The following SUGCT variants were observed in gnomAD, a reference collection of about 807,000 sequenced individuals.
SUGCT encodes the protein succinyl-CoA:glutarate CoA-transferase.
A neutral mutation model predicts 55.0 loss-of-function variants in SUGCT; 41 were observed. The ratio of observed to expected loss-of-function variants is 0.74; its 90% CI spans 0.58 to 0.97. SUGCT has a LOEUF of 0.97. Ranked by LOEUF, SUGCT falls within the 50% of genes least tolerant of loss-of-function variation. The pLI is 0.00. For missense variants in SUGCT, 568 were observed against 547.8 expected (o/e 1.04, Z -0.37); for synonymous variants, 187 against 200.4 (o/e 0.93, Z 0.56).
chr7:40,457,520 A>G (rs752018328), intron 10 of SUGCT, among the ~76,000 whole-genome samples: 7 of 152,042 alleles, frequency 4.6e-5, no homozygotes, highest in Non-Finnish European at 8.8e-5. Context: ...TATGTCAAGC[A>G]TTTTCATGTA....
the SUGCT span, among the ~76,000 whole-genome samples, chr7:41,021,090 G>A: frequency 6.6e-6 from 1 of 152,196 alleles, no homozygotes; most frequent in Non-Finnish European, 1.5e-5. Flanking sequence ...GACCAACATG[G>A]CAAAGTACAA....
rs532519595 is a variant in SUGCT at position 40,465,534 on chromosome 7, C to T, written c.986+6336C>T. Among the ~76,000 whole-genome samples the T allele has an allele frequency of 1.1e-3, 166 of 152,150 alleles. 1 individual carries two copies. The highest frequency in any genetic ancestry group is 0.01 in the Middle Eastern group (3 of 294). On this transcript the variant is annotated intron_variant, in intron 11 of 13. Coordinates refer to ENST00000335693, the MANE Select transcript of SUGCT (RefSeq NM_001193313.2). ...CCGAGGAAGGAGAATTGCTTGAACCCGGGAGGCGGAGGTTGCAGTGAGCCG... is the reference window on the plus strand; with the variant it reads ...CCGAGGAAGGAGAATTGCTTGAACCTGGGAGGCGGAGGTTGCAGTGAGCCG...
intron 12 of SUGCT, among the ~76,000 whole-genome samples, chr7:40,613,614 A>ATTT (rs34035338): frequency 6.9e-6 from 1 of 144,902 alleles, no homozygotes. Context: ...CCTGCACCCA[A>ATTT]TTTTTTTTTT....
intron 7 of SUGCT, among the ~76,000 whole-genome samples, chr7:40,251,363 A>G (rs952189558): frequency 6.6e-6 from 1 of 152,186 alleles, no homozygotes. Flanking sequence ...ACCTAACTCT[A>G]GTCAAGTTCC....
At chr7:40,939,068 C>A in the SUGCT span, among the ~76,000 whole-genome samples, 1 of 152,058 alleles carries the variant, frequency 6.6e-6, no homozygotes, top group Non-Finnish European at 1.5e-5. Context: ...TGATAAAGAC[C>A]CGAGACAGGG....
rs552222185 is a variant in SUGCT at position 40,363,761 on chromosome 7, G to A, written c.816+46906G>A. 5.3e-3 allele frequency among the ~76,000 whole-genome samples: 812 copies of A among 152,164 alleles called. 2 individuals carry two copies. The highest frequency in any genetic ancestry group is 0.019 in the African/African-American group (777 of 41,512). On this transcript the variant is annotated intron_variant, in intron 9 of 13. Coordinates refer to ENST00000335693, the MANE Select transcript of SUGCT (RefSeq NM_001193313.2). ...TGTGGTCAATTTTGGAATAGGTGTG[G>A]TGTGGTGCTGAAAAAAGTGTATATT...
At chr7:40,487,076 A>ATTT (rs1791405804) in intron 11 of SUGCT, among the ~76,000 whole-genome samples, 1 of 126,062 alleles carries the variant, frequency 7.9e-6, no homozygotes, top group Non-Finnish European at 1.6e-5. Context: ...TATGATTTCA[A>ATTT]TCTTTTTTTT....
At position 40,849,440 on chromosome 7, in the gene SUGCT, C is replaced by T. The variant is rs1042387335; in HGVS notation, c.1154-10876C>T. Among the ~76,000 whole-genome samples, 8 of 152,208 alleles carry T rather than the reference C, an allele frequency of 5.3e-5. No homozygotes were observed. The Middle Eastern group carries it at 0.01, about 194-fold the overall frequency. On this transcript the variant is annotated intron_variant, in intron 13 of 13. Transcript: ENST00000335693. ...AAATGCATCATTAGGATGGAAGGTG[C>T]GTGGAGCTCTGGAAAAAGGGACTGT...
chr7:40,525,532 T>C (rs1283078123), intron 12 of SUGCT, among the ~76,000 whole-genome samples: 2 of 151,796 alleles, frequency 1.3e-5, no homozygotes, highest in Non-Finnish European at 2.9e-5. Flanking sequence ...GATGAGAGGG[T>C]GAGGGCCTGA....
chr7:40,514,646 G>C (rs549892015), intron 12 of SUGCT, among the ~76,000 whole-genome samples: 84 of 147,132 alleles, frequency 5.7e-4, no homozygotes, highest in Non-Finnish European at 8.0e-4. Context: ...GGAGGCGGAG[G>C]TTGCAGTGAG....
At chr7:40,282,282 A>G (rs999592867) in intron 8 of SUGCT, among the ~76,000 whole-genome samples, 2 of 151,944 alleles carry the variant, frequency 1.3e-5, no homozygotes, top group East Asian at 2.0e-4. Context: ...AGCCTGGCCA[A>G]TGTAGTGAAA....
At chr7:40,953,695 G>T in the SUGCT span, among the ~76,000 whole-genome samples, 7,719 of 152,328 alleles carry the variant, frequency 0.051, 290 homozygotes, top group South Asian at 0.16. Context: ...CTGCAGGTCT[G>T]TTGGAGTTTG....
At chr7:40,368,484 A>C (rs185310663) in intron 9 of SUGCT, among the ~76,000 whole-genome samples, 1 of 152,222 alleles carries the variant, frequency 6.6e-6, no homozygotes, top group African/African-American at 2.4e-5. Context: ...GGTGTGAGCC[A>C]CCACACCCGG....
intron 9 of SUGCT, among the ~76,000 whole-genome samples, chr7:40,383,937 C>G (rs768539975): frequency 6.6e-6 from 1 of 152,104 alleles, no homozygotes; most frequent in Admixed American, 6.5e-5. Flanking sequence ...CGCTGCCCCA[C>G]GAAATGCTTG....
intron 13 of SUGCT, among the ~76,000 whole-genome samples, chr7:40,790,946 G>A (rs1790279589): frequency 6.6e-6 from 1 of 152,118 alleles, no homozygotes. Flanking sequence ...AAAATGAGGT[G>A]GCTGAGATTT....
At position 40,482,072 on chromosome 7, in the gene SUGCT, A is replaced by G. The variant is rs538356613; in HGVS notation, c.987-14212A>G. On this transcript the variant is annotated intron_variant, in intron 11 of 13. Transcript: ENST00000335693. ...ATTAAAATGTTTTAAAATGATACAT[A>G]TTTAAAAGATTTCCCTTTCCAAGAA... 2.6e-5 allele frequency among the ~76,000 whole-genome samples: 4 copies of G among 152,298 alleles called. No homozygotes were observed. The South Asian group carries it at 8.3e-4, about 32-fold the overall frequency.
intron 8 of SUGCT, among the ~76,000 whole-genome samples, chr7:40,302,787 A>G (rs924910526): frequency 6.6e-6 from 1 of 152,148 alleles, no homozygotes; most frequent in Non-Finnish European, 1.5e-5. Flanking sequence ...TACAGGATGT[A>G]TATGCCAGAG....
At chr7:40,422,299 T>G (rs1402343234) in intron 9 of SUGCT, among the ~76,000 whole-genome samples, 1 of 152,194 alleles carries the variant, frequency 6.6e-6, no homozygotes, top group East Asian at 1.9e-4. Context: ...ATTTATTGAC[T>G]AGCATTTTTG....
intron 9 of SUGCT, among the ~76,000 whole-genome samples, chr7:40,439,317 A>G (rs1788371710): frequency 6.6e-6 from 1 of 151,162 alleles, no homozygotes; most frequent in South Asian, 2.1e-4. Flanking sequence ...CCTACACCTC[A>G]TCAGGACTTC....
Sources: allele counts gnomAD v4.1 joint callset (sites outside exome capture counted in the v4.1 genomes callset), GRCh38; gene constraint gnomAD v4.1.1; transcripts MANE v1.5; gene names NCBI Gene and HGNC (gene_info 2026-07-23, HGNC 2026-07-21).